Variants in SEC63 observed in about 807,000 individuals in gnomAD.
The protein encoded by SEC63 is translocation protein SEC63 homolog.
A neutral mutation model predicts 116.2 loss-of-function variants in SEC63; 56 were observed. That is an observed-to-expected ratio of 0.48 (90% CI 0.39 to 0.60). The LOEUF is 0.60. Among genes scored for constraint, SEC63 ranks in the 20% least tolerant of loss-of-function variants. The pLI is 0.00. For missense variants in SEC63, 668 were observed against 900.0 expected (o/e 0.74, Z 3.30); for synonymous variants, 273 against 294.6 (o/e 0.93, Z 0.75).
Position 107,958,158 on chromosome 6 carries a change from C to A in SEC63, c.-149G>T. 5.6e-6 allele frequency: 7 copies of A among 1,251,798 alleles called. No homozygotes were observed. The highest frequency in any genetic ancestry group is 3.9e-5 in the South Asian group (3 of 77,434). The allele number at this position is 1,251,798 out of a possible 1,614,324, so 77.5% of individuals were successfully genotyped here. On this transcript the variant is annotated 5_prime_UTR_variant, in exon 1 of 21. Transcript: ENST00000369002. ...CGCCCCCACGCCACTCTCACGGACA[C>A]GCCGCCGCCACCTCTGCCGCTGCCG... is the stretch of plus-strand genomic sequence containing the variant.
At chr6:107,876,064 C>T (rs488399) in intron 19 of SEC63, among the ~76,000 whole-genome samples, 132,407 of 152,092 alleles carry the variant, frequency 0.87, 57,810 homozygotes, top group Middle Eastern at 0.92. Flanking sequence ...AACACACACA[C>T]AAAAAAAACA....
At chr6:107,918,904 CTTTTTTTTTTTTTT>C (rs1164457296) in intron 4 of SEC63, among the ~76,000 whole-genome samples, 1 of 54,762 alleles carries the variant, frequency 1.8e-5, no homozygotes. Flanking sequence ...AGCTGATTTC[CTTTTTTTTTTTTTT>C]TTTTTTTTTT....
chr6:107,906,258 C>A (rs1285159421), intron 10 of SEC63, among the ~76,000 whole-genome samples, 190 bp downstream of exon 10: 1 of 152,202 alleles, frequency 6.6e-6, no homozygotes, highest in Non-Finnish European at 1.5e-5. Flanking sequence ...TTTCCTGAGG[C>A]CTCCCCAGCC....
At chr6:107,948,676 C>A (rs1414255195) in intron 1 of SEC63, among the ~76,000 whole-genome samples, 1 of 152,158 alleles carries the variant, frequency 6.6e-6, no homozygotes, top group Non-Finnish European at 1.5e-5. Flanking sequence ...CTCAAGGTCT[C>A]TCTGACTTTC....
At chr6:107,906,913 G>A in intron 8 of SEC63, 136 bp from the exon 9 acceptor site, 1 of 697,890 alleles carries the variant, frequency 1.4e-6, no homozygotes, top group Non-Finnish European at 2.5e-6. Context: ...GAACTCCACT[G>A]ACAAGTATTT....
intron 1 of SEC63, among the ~76,000 whole-genome samples, chr6:107,932,439 G>C (rs1311835153): frequency 6.6e-6 from 1 of 152,176 alleles, no homozygotes; most frequent in African/African-American, 2.4e-5. Context: ...ATCCACATGG[G>C]AGGACTACCC....
rs1390961272 is a variant in SEC63, at chr6:107,902,921, G to C, written c.1132C>G (p.Gln378Glu). 6.2e-7 allele frequency: 1 copy of C among 1,613,772 alleles called. No individual in the cohort carries two copies. Among genetic ancestry groups the C allele is most frequent in the South Asian group, 1.1e-5 (1 of 91,066 alleles). The part of the protein sequence containing the change: ...KLSQMAVQGL[Q>E]QFKSPLLQLP... ...TGCAGAAGGGGAGACTTAAATTGCT[G>C]AAGTCCCTGAACGGCCATCTGAGAA... is the stretch of plus-strand genomic sequence containing the variant. Residue 378 changes from glutamine to glutamate, a missense_variant, in exon 12 of 21, where the codon CAG becomes GAG. Around this residue, in one of 5 missense-constraint regions of SEC63, gnomAD observed 430 missense variants for 557.5 expected, o/e 0.77. Coordinates refer to ENST00000369002, the MANE Select transcript of SEC63 (RefSeq NM_007214.5).
chr6:107,932,140 G>T, intron 1 of SEC63: 1 of 173,122 alleles, frequency 5.8e-6, no homozygotes, highest in Non-Finnish European at 1.2e-5. Flanking sequence ...TATGACACTG[G>T]CATGGCCAAG....
intron 13 of SEC63, among the ~76,000 whole-genome samples, chr6:107,898,506 G>A (rs903712829): frequency 7.2e-5 from 11 of 151,912 alleles, no homozygotes; most frequent in Non-Finnish European, 2.9e-5. Context: ...AATAATGAAA[G>A]CTAGTATTCC....
chr6:107,909,051 A>C lies in SEC63; in HGVS notation c.625-16T>G. The C allele has an allele frequency of 6.4e-7, 1 of 1,554,942 alleles. No homozygotes were observed. The highest frequency in any genetic ancestry group is 8.9e-7 in the Non-Finnish European group (1 of 1,126,838). Reference sequence around the variant, plus strand: ...ACCAAGAGCCCTAAAACACAAAAAAAATTAAACAAGAAAGAAAGTATAAAA... The same window carrying C: ...ACCAAGAGCCCTAAAACACAAAAAACATTAAACAAGAAAGAAAGTATAAAA... On this transcript the variant is annotated splice_polypyrimidine_tract_variant and intron_variant, in intron 7 of 20. Transcript: ENST00000369002.
rs188009172 is a variant in SEC63 at position 107,925,418 on chromosome 6, T to C, written c.225-486A>G. ...CTAAATTACGGCTCACAGGAACTGA[T>C]TAAATAAACTATTTACAAAGAAATA... is the stretch of plus-strand genomic sequence containing the variant. On this transcript the variant is annotated intron_variant, in intron 2 of 20. Transcript: ENST00000369002. Among the ~76,000 whole-genome samples the C allele has an allele frequency of 6.6e-4, 100 of 152,238 alleles. 1 individual carries two copies. The highest frequency in any genetic ancestry group is 2.8e-4 in the Non-Finnish European group (19 of 68,020).
At chr6:107,935,246 A>C (rs1338412751) in intron 1 of SEC63, among the ~76,000 whole-genome samples, 6 of 150,806 alleles carry the variant, frequency 4.0e-5, no homozygotes, top group South Asian at 2.1e-4. Flanking sequence ...CCTACTGGGA[A>C]GTGAGGAGCC....
chr6:107,945,879 T>C (rs1770471483), intron 1 of SEC63, among the ~76,000 whole-genome samples: 2 of 152,198 alleles, frequency 1.3e-5, no homozygotes, highest in African/African-American at 4.8e-5. Flanking sequence ...GATGTTTAAA[T>C]AAAAGCAATT....
intron 19 of SEC63, among the ~76,000 whole-genome samples, chr6:107,873,799 G>C (rs965524056): frequency 2.6e-5 from 4 of 151,818 alleles, no homozygotes; most frequent in Non-Finnish European, 5.9e-5. Context: ...ATTAAAAAAA[G>C]ATCCCAAAAC....
chr6:107,934,170 G>A (rs956349270), intron 1 of SEC63, among the ~76,000 whole-genome samples: 2 of 152,002 alleles, frequency 1.3e-5, no homozygotes, highest in Non-Finnish European at 2.9e-5. Flanking sequence ...GAGCGTCTCT[G>A]CCTGGCCACC....
chr6:107,874,552 T>A (rs372482706), intron 19 of SEC63, among the ~76,000 whole-genome samples: 5 of 135,944 alleles, frequency 3.7e-5, no homozygotes, highest in South Asian at 2.3e-4. Flanking sequence ...GCCGAGATCA[T>A]GCCACTGCAC....
intron 1 of SEC63, among the ~76,000 whole-genome samples, chr6:107,939,819 C>T (rs1770336143): frequency 6.6e-6 from 1 of 151,838 alleles, no homozygotes; most frequent in Non-Finnish European, 1.5e-5. Context: ...GGTTTGTTTG[C>T]CAGAATGTTT....
At chr6:107,926,660 C>T (rs1434810922) in intron 2 of SEC63, among the ~76,000 whole-genome samples, 3 of 152,172 alleles carry the variant, frequency 2.0e-5, no homozygotes, top group Admixed American at 1.3e-4. Flanking sequence ...AATTAACTCC[C>T]CTTTTGTTTT....
intron 17 of SEC63, among the ~76,000 whole-genome samples, chr6:107,882,316 A>C (rs1408026951): frequency 1.3e-5 from 2 of 152,022 alleles, no homozygotes; most frequent in Non-Finnish European, 2.9e-5. Flanking sequence ...ACGCTAACAA[A>C]CCTAAAAGAA....
Sources: allele counts gnomAD v4.1 joint callset (sites outside exome capture counted in the v4.1 genomes callset), GRCh38; gene constraint gnomAD v4.1.1; regional missense constraint gnomAD v4.1.1; transcripts MANE v1.5; gene names NCBI Gene and HGNC (gene_info 2026-07-23, HGNC 2026-07-21).